RTF1: variants seen among roughly 807,000 people sequenced by gnomAD.
RTF1 encodes RNA polymerase-associated protein RTF1 homolog.
RTF1 carries 10 observed loss-of-function variants against 95.7 expected under a neutral mutation model. The ratio of observed to expected loss-of-function variants is 0.10; its 90% confidence interval spans 0.06 to 0.18. The LOEUF (loss-of-function observed/expected upper bound fraction) is 0.18, where lower values mean the gene tolerates loss of function less well. Ranked by LOEUF, RTF1 falls within the 10% of genes least tolerant of loss-of-function variation. The pLI, the probability that RTF1 is intolerant of heterozygous loss-of-function variation, is 1.00. For synonymous variants in RTF1, 305 were observed against 311.8 expected (o/e 0.98, Z 0.23); for missense variants, 458 against 875.6 (o/e 0.52, Z 6.02).
At chr15:41,436,422 A>C (rs1397228539) in intron 1 of RTF1, among the ~76,000 whole-genome samples, 4 of 148,454 alleles carry the variant, frequency 2.7e-5, no homozygotes, top group Non-Finnish European at 5.9e-5. Context: ...GTGCCACTGC[A>C]CTCTAGCCTG....
At chr15:41,478,441 C>CTT (rs113160783) in intron 14 of RTF1, 107 bp from the exon 15 acceptor site, 145 of 606,666 alleles carry the variant, frequency 2.4e-4, no homozygotes, top group South Asian at 1.0e-3. Flanking sequence ...AGGATAATAG[C>CTT]TTTTTTTTTT....
At chr15:41,428,366 C>T (rs997817594) in intron 1 of RTF1, among the ~76,000 whole-genome samples, 1 of 137,938 alleles carries the variant, frequency 7.2e-6, no homozygotes, top group Non-Finnish European at 1.5e-5. Flanking sequence ...CTCCTGGGTT[C>T]ACACCATTCT....
At chr15:41,453,250 G>A (rs894269602) in intron 3 of RTF1, among the ~76,000 whole-genome samples, 1 of 152,148 alleles carries the variant, frequency 6.6e-6, no homozygotes, top group Non-Finnish European at 1.5e-5. Context: ...TCCAAAGGTT[G>A]GTGAGACCCC....
intron 4 of RTF1, among the ~76,000 whole-genome samples, chr15:41,461,323 A>C (rs2050847470): frequency 1.3e-5 from 2 of 152,090 alleles, no homozygotes; most frequent in African/African-American, 4.8e-5. Flanking sequence ...CTGGGATTAC[A>C]GGCGTAAGCC....
At position 41,443,614 on chromosome 15, in the gene RTF1, C is replaced by T. The variant is rs563723096; in HGVS notation, c.309+5183C>T. 7.3e-4 allele frequency among the ~76,000 whole-genome samples: 109 copies of T among 149,274 alleles called. 1 individual carries two copies. The highest frequency in any genetic ancestry group is 6.9e-3 in the Middle Eastern group (2 of 288). ...CATGAGTTGGGGTTAAAAAAAAAAA[C>T]GGCCAGCAGGGTGTGGTGGCTCACA... On this transcript the variant is annotated intron_variant, in intron 2 of 17. Transcript: ENST00000389629.
intron 4 of RTF1, among the ~76,000 whole-genome samples, chr15:41,459,564 T>C (rs1460792922): frequency 6.6e-6 from 1 of 152,146 alleles, no homozygotes; most frequent in African/African-American, 2.4e-5. Context: ...AATGAACAAA[T>C]GGTGTTTTAA....
chr15:41,432,822 C>T (rs1263446771), intron 1 of RTF1, among the ~76,000 whole-genome samples: 1 of 152,040 alleles, frequency 6.6e-6, no homozygotes, highest in Non-Finnish European at 1.5e-5. Flanking sequence ...ACCTGTAATC[C>T]CAGCTACTTG....
intron 8 of RTF1, among the ~76,000 whole-genome samples, chr15:41,472,482 T>C (rs2050917881): frequency 6.6e-6 from 1 of 151,976 alleles, no homozygotes; most frequent in East Asian, 1.9e-4. Context: ...GCTGGGATTA[T>C]TGACATGAGC....
intron 2 of RTF1, among the ~76,000 whole-genome samples, chr15:41,446,563 A>T (rs1462831939): frequency 7.4e-6 from 1 of 135,366 alleles, no homozygotes; most frequent in East Asian, 2.0e-4. Context: ...GTCTCAAAAA[A>T]AAAAAATTAT....
intron 8 of RTF1, among the ~76,000 whole-genome samples, chr15:41,473,634 C>T (rs974489198): frequency 6.6e-6 from 1 of 152,150 alleles, no homozygotes; most frequent in Non-Finnish European, 1.5e-5. Flanking sequence ...GTGATCAGAG[C>T]TCATTGCAAC....
chr15:41,460,939 C>T (rs990372038), intron 4 of RTF1, among the ~76,000 whole-genome samples: 7 of 150,128 alleles, frequency 4.7e-5, no homozygotes, highest in Admixed American at 1.3e-4. Flanking sequence ...TGCAGTGACA[C>T]GATCTTGGCT....
At chr15:41,477,072 G>C in intron 12 of RTF1, 93 bp from the exon 13 acceptor site, 1 of 1,521,148 alleles carries the variant, frequency 6.6e-7, no homozygotes, top group East Asian at 2.3e-5. Flanking sequence ...CACCACATGA[G>C]ATATCTTTGC....
At chr15:41,442,322 C>T (rs540125978) in intron 2 of RTF1, among the ~76,000 whole-genome samples, 1 of 151,916 alleles carries the variant, frequency 6.6e-6, no homozygotes, top group African/African-American at 2.4e-5. Flanking sequence ...CGCTCACCAC[C>T]ACGCCTGGCT....
Position 41,453,018 on chromosome 15 carries a change from A to C in RTF1, c.427A>C (p.Ser143Arg). 6.2e-7 allele frequency: 1 copy of C among 1,606,936 alleles called. No individual in the cohort carries two copies. Among genetic ancestry groups the C allele is most frequent in the East Asian group, 2.2e-5 (1 of 44,784 alleles). Residue 143 changes from serine (S) to arginine (R), a missense_variant, in exon 3 of 18, where the codon AGT becomes CGT. Around this residue, in one of 11 missense-constraint regions of RTF1, gnomAD observed 39 missense variants for 38.4 expected, o/e 1.02. Coordinates refer to ENST00000389629, the MANE Select transcript of RTF1 (RefSeq NM_015138.5). ...TASSGSSDKDSSAESSAPEEG... is the reference protein window; with the variant it reads ...TASSGSSDKDRSAESSAPEEG... ...CTCCTCAGGCAGTTCAGACAAAGAC[A>C]GTTCAGCTGAGAGCTCAGCCCCTGA...
At position 41,480,222 on chromosome 15, in the gene RTF1, C is replaced by T. The variant is rs1292522221; in HGVS notation, c.1923C>T (p.Gly641=). 3 of 1,608,840 alleles carry T rather than the reference C, an allele frequency of 1.9e-6. No homozygotes were observed. The highest frequency in any genetic ancestry group is 2.6e-6 in the Non-Finnish European group (3 of 1,175,332). The change falls in exon 17 of 18, where the codon GGC becomes GGT. Residue 641 remains glycine, a synonymous_variant. Coordinates refer to ENST00000389629, the MANE Select transcript of RTF1 (RefSeq NM_015138.5). The part of the protein sequence containing the change: ...DAPKEMSKGQ[G]KDKDLNSKSA... The stretch of plus-strand genomic sequence containing the variant: ...TCCTCTTCACATTCCAGGGTCAAGG[C>T]AAAGATAAAGATTTGAATTCTAAGT...
At chr15:41,468,595 G>A (rs139808679) in intron 6 of RTF1, among the ~76,000 whole-genome samples, 2,480 of 152,272 alleles carry the variant, frequency 0.016, 66 homozygotes, top group African/African-American at 0.057. Context: ...GGGATTACAG[G>A]TGTGAGCCAC....
chr15:41,469,483 A>T, intron 6 of RTF1, among the ~76,000 whole-genome samples: 1 of 150,738 alleles, frequency 6.6e-6, no homozygotes, highest in East Asian at 2.0e-4. Context: ...CGACCTCCCA[A>T]AGTGCTGGGA....
At chr15:41,421,461 A>G (rs1325471635) in intron 1 of RTF1, among the ~76,000 whole-genome samples, 1 of 150,982 alleles carries the variant, frequency 6.6e-6, no homozygotes, top group Non-Finnish European at 1.5e-5. Context: ...TGTATTAAAA[A>G]AAAAAAAAAA....
intron 1 of RTF1, among the ~76,000 whole-genome samples, chr15:41,419,865 G>A (rs1028569073): frequency 2.0e-5 from 3 of 152,090 alleles, no homozygotes; most frequent in African/African-American, 7.2e-5. Flanking sequence ...TGTTGCCTGG[G>A]CTGGAGTTCA....
Sources: gnomAD v4.1 joint callset for allele counts (sites outside exome capture counted in the v4.1 genomes callset) on GRCh38, gnomAD v4.1.1 for gene constraint, gnomAD v4.1.1 regional missense constraint, MANE v1.5 for transcripts, NCBI Gene and HGNC (gene_info 2026-07-23, HGNC 2026-07-21) for gene names.